The following CPEB3 variants were observed in gnomAD, a reference collection of about 807,000 sequenced individuals.
CPEB3 encodes cytoplasmic polyadenylation element binding protein 3.
Under a neutral mutation model 67.2 loss-of-function variants are expected in CPEB3, and 20 were observed. The ratio of observed to expected loss-of-function variants is 0.30; its 90% CI spans 0.21 to 0.43. CPEB3 has a LOEUF of 0.43. Ranked by LOEUF, CPEB3 falls within the 20% of genes least tolerant of loss-of-function variation. CPEB3 has a pLI of 1.00. For missense variants in CPEB3, 746 were observed against 968.6 expected (o/e 0.77, Z 3.05); for synonymous variants, 376 against 393.1 (o/e 0.96, Z 0.51).
Position 92,137,513 on chromosome 10 carries a change from T to A in CPEB3, c.1453+5516A>T, listed in dbSNP as rs544159592. 5.3e-6 allele frequency: 5 copies of A among 937,066 alleles called. No individual in the cohort carries two copies. The Admixed American group carries it at 8.8e-5, about 16-fold the overall frequency. 58.0% of individuals were successfully genotyped at this position (937,066 alleles called of 1,614,324 possible). A position where few individuals can be genotyped will look rare whatever the true frequency, so the allele number is the denominator to read the frequency against. On this transcript the variant is annotated intron_variant, in intron 6 of 9. Transcript: ENST00000265997. ...TCAGCCACAAGGCCTTCTGATGTGC[T>A]TGAGGTGACCAAGAAGTTCATAAGG...
At chr10:92,241,224 G>C (rs1851836661) in intron 1 of CPEB3, among the ~76,000 whole-genome samples, 1 of 150,492 alleles carries the variant, frequency 6.6e-6, no homozygotes, top group African/African-American at 2.4e-5. Flanking sequence ...GTCTCAACAG[G>C]AGCCTAAGAA....
Position 92,051,721 on chromosome 10 carries a change from ATTG to A in CPEB3, c.*488_*490del. 6.5e-6 allele frequency: 1 copy of A among 153,414 alleles called. No homozygotes were observed. Among genetic ancestry groups the A allele is most frequent in the East Asian group, 1.9e-4 (1 of 5,190 alleles). The allele number at this position is 153,414 out of a possible 1,614,324, so 9.5% of individuals were successfully genotyped here. A position where few individuals can be genotyped will look rare whatever the true frequency, so the allele number is the denominator to read the frequency against. On this transcript the variant is annotated 3_prime_UTR_variant, in exon 10 of 10. Coordinates refer to ENST00000265997, the MANE Select transcript of CPEB3 (RefSeq NM_014912.5). ...AGTGACCCGAGCTAATGATTGCTGAATTGTTGTGAAGTTTTTGCTACATCTGCC... is the reference window on the plus strand; with the variant it reads ...AGTGACCCGAGCTAATGATTGCTGAATTGTGAAGTTTTTGCTACATCTGCC...
chr10:92,088,692 G>A (rs1408520868), intron 8 of CPEB3, among the ~76,000 whole-genome samples: 1 of 151,764 alleles, frequency 6.6e-6, no homozygotes, highest in Non-Finnish European at 1.5e-5. Flanking sequence ...TTTAGTCACT[G>A]TGACATATTA....
chr10:92,181,129 G>A, intron 3 of CPEB3, 110 bp from the exon 4 acceptor site: 1 of 596,360 alleles, frequency 1.7e-6, no homozygotes, highest in Non-Finnish European at 2.9e-6. Context: ...CTATAACAAT[G>A]CTATCAAAGG....
intron 4 of CPEB3, among the ~76,000 whole-genome samples, chr10:92,151,972 C>A (rs551854995): frequency 6.6e-6 from 1 of 152,328 alleles, no homozygotes; most frequent in South Asian, 2.1e-4. Context: ...CTCCAAACAG[C>A]AACCAGACGT....
intron 4 of CPEB3, among the ~76,000 whole-genome samples, chr10:92,168,421 A>C (rs1441808904): frequency 1.3e-5 from 2 of 152,236 alleles, no homozygotes; most frequent in Admixed American, 1.3e-4. Flanking sequence ...GCTTGCTTCA[A>C]GTCTCTCAGC....
chr10:92,154,368 A>G (rs1336525651), intron 4 of CPEB3, among the ~76,000 whole-genome samples: 2 of 82,726 alleles, frequency 2.4e-5, no homozygotes, highest in African/African-American at 2.1e-4. Context: ...TATGTAATTG[A>G]TATTTATTTT....
chr10:92,095,400 T>C (rs1024139689), intron 7 of CPEB3, among the ~76,000 whole-genome samples: 1 of 152,008 alleles, frequency 6.6e-6, no homozygotes, highest in South Asian at 2.1e-4. Context: ...ACACTCTATA[T>C]ACTAAGCAAA....
intron 7 of CPEB3, among the ~76,000 whole-genome samples, chr10:92,104,682 G>T (rs150130616): frequency 1.3e-5 from 2 of 151,736 alleles, no homozygotes; most frequent in Non-Finnish European, 2.9e-5. Context: ...CACCACGCCC[G>T]GCTGGAAATG....
chr10:92,180,653 T>C (rs1018596481), intron 4 of CPEB3, among the ~76,000 whole-genome samples: 4 of 152,222 alleles, frequency 2.6e-5, no homozygotes, highest in African/African-American at 4.8e-5. Flanking sequence ...AACCCTGGTT[T>C]GAAGCAGCAA....
intron 4 of CPEB3, among the ~76,000 whole-genome samples, chr10:92,152,960 A>G (rs887474468): frequency 1.3e-5 from 2 of 152,162 alleles, no homozygotes; most frequent in African/African-American, 2.4e-5. Flanking sequence ...TCCCTCCTTC[A>G]GTCTTTCTTT....
chr10:92,101,146 C>T (rs938913828), intron 7 of CPEB3, among the ~76,000 whole-genome samples: 2 of 152,126 alleles, frequency 1.3e-5, no homozygotes, highest in African/African-American at 2.4e-5. Flanking sequence ...GCAAACCATT[C>T]GGTGTCAACA....
At chr10:92,261,870 A>G (rs1852816750) in intron 1 of CPEB3, among the ~76,000 whole-genome samples, 1 of 152,224 alleles carries the variant, frequency 6.6e-6, no homozygotes, top group African/African-American at 2.4e-5. Flanking sequence ...AGACACAACT[A>G]ATAAGTGGTG....
At chr10:92,152,339 T>C (rs1847003357) in intron 4 of CPEB3, among the ~76,000 whole-genome samples, 1 of 152,230 alleles carries the variant, frequency 6.6e-6, no homozygotes, top group African/African-American at 2.4e-5. Context: ...CTCCGTTTTG[T>C]CTCAATAGAT....
chr10:92,144,645 A>C (rs1180546648), intron 5 of CPEB3, among the ~76,000 whole-genome samples: 2 of 152,180 alleles, frequency 1.3e-5, no homozygotes, highest in Admixed American at 1.3e-4. Flanking sequence ...TTTGAGTTGC[A>C]ACTGCACCAT....
intron 7 of CPEB3, among the ~76,000 whole-genome samples, chr10:92,099,979 C>CA (rs765633444): frequency 1.5e-4 from 23 of 152,114 alleles, no homozygotes; most frequent in Non-Finnish European, 3.2e-4. Flanking sequence ...GCCTGGGCAG[C>CA]ATAGTGAGAC....
At chr10:92,184,520 G>A (rs1161385867) in intron 3 of CPEB3, among the ~76,000 whole-genome samples, 1 of 152,100 alleles carries the variant, frequency 6.6e-6, no homozygotes, top group African/African-American at 2.4e-5. Context: ...CAGGAGAATC[G>A]CTTAAACCTG....
intron 3 of CPEB3, among the ~76,000 whole-genome samples, chr10:92,181,385 A>C (rs2134090089): frequency 6.7e-6 from 1 of 148,162 alleles, no homozygotes; most frequent in African/African-American, 2.4e-5. Flanking sequence ...AAAAAAAAAA[A>C]AAAAATAGAT....
At chr10:92,233,505 C>T (rs1459589055) in intron 2 of CPEB3, among the ~76,000 whole-genome samples, 2 of 149,414 alleles carry the variant, frequency 1.3e-5, no homozygotes, top group African/African-American at 2.5e-5. Context: ...CCACTGCACT[C>T]CAGCTTGGGC....
Sources: allele counts gnomAD v4.1 joint callset (sites outside exome capture counted in the v4.1 genomes callset), GRCh38; gene constraint gnomAD v4.1.1; transcripts MANE v1.5; gene names NCBI Gene and HGNC (gene_info 2026-07-23, HGNC 2026-07-21).